ARHGEF9: variants seen among roughly 807,000 people sequenced by gnomAD.
The protein encoded by ARHGEF9 is rho guanine nucleotide exchange factor 9.
Under a neutral mutation model 41.3 loss-of-function variants are expected in ARHGEF9, and 2 were observed. That is an observed-to-expected ratio of 0.05 (90% CI 0.02 to 0.15). The LOEUF (loss-of-function observed/expected upper bound fraction) is 0.15, where lower values mean the gene tolerates loss of function less well. Among genes scored for constraint, ARHGEF9 ranks in the 10% least tolerant of loss-of-function variants. The pLI is 1.00. For missense variants in ARHGEF9, 225 were observed against 424.7 expected, an observed-to-expected ratio of 0.53 and a Z score of 4.13; for synonymous variants, 160 against 154.4, an observed-to-expected ratio of 1.04 and a Z score of -0.27.
At chrX:63,658,332 AG>A (rs1421285610) in intron 7 of ARHGEF9, among the ~76,000 whole-genome samples, 1 of 112,068 alleles carries the variant, frequency 8.9e-6, no homozygotes, top group African/African-American at 3.2e-5. Flanking sequence ...GGAATAATTA[AG>A]AATGACCTAC....
At chrX:63,641,209 G>A (rs1224132855) in intron 9 of ARHGEF9, 4 of 109,606 alleles carry the variant, frequency 3.6e-5, no homozygotes, top group Non-Finnish European at 7.6e-5. Context: ...AACATTAGTC[G>A]GGTGTGGTGG....
At chrX:63,760,499 G>A (rs1382302996) in intron 1 of ARHGEF9, among the ~76,000 whole-genome samples, 4 of 111,442 alleles carry the variant, frequency 3.6e-5, no homozygotes, top group African/African-American at 1.3e-4. Flanking sequence ...TGGATCTCAG[G>A]GATTTTACAG....
At chrX:63,778,832 G>A (rs533379703) in intron 1 of ARHGEF9, among the ~76,000 whole-genome samples, 6 of 111,854 alleles carry the variant, frequency 5.4e-5, no homozygotes, top group African/African-American at 1.3e-4. Context: ...GCTCCAGTTC[G>A]CAATAAGTTT....
At chrX:63,687,884 T>A (rs1353618452) in intron 4 of ARHGEF9, among the ~76,000 whole-genome samples, 2 of 109,386 alleles carry the variant, frequency 1.8e-5, no homozygotes, top group African/African-American at 3.3e-5. Context: ...AAAGAGCAAG[T>A]CAAAGGGTCA....
chrX:63,720,174 A>C (rs1216614061), intron 2 of ARHGEF9, among the ~76,000 whole-genome samples: 1 of 111,850 alleles, frequency 8.9e-6, no homozygotes, highest in African/African-American at 3.3e-5. Flanking sequence ...GCACAGTCTC[A>C]AGTGGGTACT....
chrX:63,757,791 T>C (rs1345718678), intron 1 of ARHGEF9, among the ~76,000 whole-genome samples: 2 of 112,369 alleles, frequency 1.8e-5, no homozygotes, highest in African/African-American at 6.5e-5. Context: ...CTTGTCAATC[T>C]TGGGTAGATA....
At chrX:63,771,430 C>T (rs1427875366) in intron 1 of ARHGEF9, among the ~76,000 whole-genome samples, 2 of 111,977 alleles carry the variant, frequency 1.8e-5, no homozygotes, top group East Asian at 2.8e-4. Context: ...GCTGAGCCAC[C>T]GTGCTCAGAT....
chrX:63,729,425 C>T (rs1399629159), intron 1 of ARHGEF9, among the ~76,000 whole-genome samples: 2 of 111,641 alleles, frequency 1.8e-5, no homozygotes, highest in African/African-American at 6.5e-5. Flanking sequence ...TACAAAGGAG[C>T]ATGATCTCTC....
chrX:63,726,900 G>A (rs1221141878), intron 1 of ARHGEF9, among the ~76,000 whole-genome samples: 1 of 111,990 alleles, frequency 8.9e-6, no homozygotes, highest in Non-Finnish European at 1.9e-5. Flanking sequence ...CCCTGATGCT[G>A]AGGACATTCA....
At chrX:63,774,158 G>A (rs189150789) in intron 1 of ARHGEF9, among the ~76,000 whole-genome samples, 95 of 109,976 alleles carry the variant, frequency 8.6e-4, no homozygotes, top group Non-Finnish European at 1.6e-3. Context: ...ACTAATACAA[G>A]GTATTACCCT....
intron 8 of ARHGEF9, among the ~76,000 whole-genome samples, chrX:63,645,181 C>A (rs2047934114): frequency 9.0e-6 from 1 of 110,524 alleles, no homozygotes; most frequent in Non-Finnish European, 1.9e-5. Flanking sequence ...CTCTGAGATA[C>A]AGTTGAGACT....
intron 9 of ARHGEF9, 30 bp downstream of exon 9, chrX:63,643,949 CT>C (rs2047823662): frequency 8.4e-7 from 1 of 1,193,143 alleles, no homozygotes. Context: ...ATTCCATAGT[CT>C]TTCACAGAGA....
chrX:63,651,789 C>T (rs782798452), intron 8 of ARHGEF9, among the ~76,000 whole-genome samples: 1 of 110,034 alleles, frequency 9.1e-6, no homozygotes, highest in South Asian at 3.9e-4. Context: ...ACGTGAAATT[C>T]GTGACTGACA....
At chrX:63,682,233 G>A (rs1316650383) in intron 4 of ARHGEF9, among the ~76,000 whole-genome samples, 1 of 110,868 alleles carries the variant, frequency 9.0e-6, no homozygotes, top group East Asian at 2.8e-4. Context: ...ACAAGAAAAG[G>A]GCCAGGCGCT....
intron 1 of ARHGEF9, among the ~76,000 whole-genome samples, chrX:63,744,132 T>C (rs1556430424): frequency 8.9e-6 from 1 of 112,255 alleles, no homozygotes; most frequent in Admixed American, 9.4e-5. Context: ...GTGTACATCT[T>C]CCATTCAACC....
intron 4 of ARHGEF9, among the ~76,000 whole-genome samples, chrX:63,686,113 A>C (rs2050966805): frequency 8.9e-6 from 1 of 111,999 alleles, no homozygotes; most frequent in African/African-American, 3.2e-5. Context: ...TAAGGAATCA[A>C]TCTAAGTGTC....
At chrX:63,655,772 T>C in intron 7 of ARHGEF9, 35 bp from the exon 8 acceptor site, 3 of 1,200,630 alleles carry the variant, frequency 2.5e-6, no homozygotes, top group Non-Finnish European at 2.2e-6. Context: ...TGAAGGTATG[T>C]GCACGGCGAG....
chrX:63,635,880 T>A lies in ARHGEF9; in HGVS notation c.*2148A>T, dbSNP rs1253713055. ...GAGGCCTGCATAGCTACCAAAACAC[T>A]CTGCCAGACAGGATATTTTAGCCTG... On this transcript the variant is annotated 3_prime_UTR_variant, in exon 10 of 10. Coordinates refer to ENST00000671741, the MANE Select transcript of ARHGEF9 (RefSeq NM_001353921.2). The A allele has an allele frequency of 7.4e-6, 1 of 135,659 alleles. No homozygotes were observed. The highest frequency in any genetic ancestry group is 1.4e-5 in the Non-Finnish European group (1 of 71,314). 11.2% of individuals were successfully genotyped at this position (135,659 alleles called of 1,213,427 possible). A position where few individuals can be genotyped will look rare whatever the true frequency, so the allele number is the denominator to read the frequency against.
chrX:63,766,709 G>A (rs1382146398), intron 1 of ARHGEF9, among the ~76,000 whole-genome samples: 9 of 111,630 alleles, frequency 8.1e-5, no homozygotes, highest in Non-Finnish European at 1.5e-4. Context: ...TGAACTGAGT[G>A]TCCCTCTCCT....
Sources: gnomAD v4.1 joint callset for allele counts (sites outside exome capture counted in the v4.1 genomes callset) on GRCh38, gnomAD v4.1.1 for gene constraint, MANE v1.5 for transcripts, NCBI Gene and HGNC (gene_info 2026-07-23, HGNC 2026-07-21) for gene names.